DENND2C: variants seen among roughly 807,000 people sequenced by gnomAD.
DENND2C encodes DENN domain containing 2C.
Under a neutral mutation model 112.4 loss-of-function variants are expected in DENND2C, and 72 were observed. That is an observed-to-expected ratio of 0.64 (90% confidence interval 0.53 to 0.78). The LOEUF is 0.78. DENND2C is among the 30% of genes least tolerant of loss of function. The pLI, the probability that DENND2C is intolerant of heterozygous loss-of-function variation, is 0.00. For synonymous variants in DENND2C, 329 were observed against 381.6 expected, an observed-to-expected ratio of 0.86 and a Z score of 1.61; for missense variants, 992 against 1,113.8, an observed-to-expected ratio of 0.89 and a Z score of 1.56.
chr1:114,608,951 A>T, intron 9 of DENND2C, 78 bp from the exon 10 acceptor site: 2 of 1,476,754 alleles, frequency 1.4e-6, no homozygotes, highest in Non-Finnish European at 1.9e-6. Flanking sequence ...CATGACCCAC[A>T]TAGGATTAAT....
At chr1:114,626,508 TTC>T (rs1348362828) in intron 3 of DENND2C, among the ~76,000 whole-genome samples, 1 of 119,798 alleles carries the variant, frequency 8.3e-6, no homozygotes, top group Non-Finnish European at 1.7e-5. Flanking sequence ...AATAAATTAA[TTC>T]TTTTTTTTTT....
chr1:114,594,969 G>T (rs952374467), intron 17 of DENND2C, among the ~76,000 whole-genome samples: 1 of 152,112 alleles, frequency 6.6e-6, no homozygotes, highest in Non-Finnish European at 1.5e-5. Context: ...GGTTATATGC[G>T]GAGGGCTGCT....
chr1:114,664,705 C>A (rs1225301207), intron 1 of DENND2C, among the ~76,000 whole-genome samples: 2 of 151,450 alleles, frequency 1.3e-5, no homozygotes, highest in Admixed American at 6.6e-5. Context: ...GTCTCAAACT[C>A]CTGACTGAAG....
At chr1:114,658,411 G>A (rs1005477254) in intron 1 of DENND2C, among the ~76,000 whole-genome samples, 3 of 152,108 alleles carry the variant, frequency 2.0e-5, no homozygotes, top group African/African-American at 7.2e-5. Flanking sequence ...TGTCATACAA[G>A]TAAGGAGAAT....
intron 3 of DENND2C, among the ~76,000 whole-genome samples, chr1:114,638,255 A>G (rs1449966015): frequency 6.6e-6 from 1 of 152,054 alleles, no homozygotes; most frequent in Non-Finnish European, 1.5e-5. Flanking sequence ...ACCTTTACCC[A>G]TAACATTTAC....
rs763423714 is a variant in DENND2C at position 114,587,396 on chromosome 1, G to A, written c.2746C>T (p.Arg916Trp). 1.2e-5 allele frequency: 19 copies of A among 1,614,074 alleles called. No individual in the cohort carries two copies. In the East Asian group the frequency reaches 2.7e-4, roughly 23 times the overall value. ...AAACACAGCAACTAACCAAGACTCC[G>A]CAAAATTCTATTCATCCCACTGGGC... ...SEPSGMNRILRSLGSKMKFLQ... is the reference protein window; with the variant it reads ...SEPSGMNRILWSLGSKMKFLQ... The change falls in exon 20 of 21, where the codon CGG becomes TGG. Residue 916 changes from arginine (R) to tryptophan (W), a missense_variant. Coordinates refer to ENST00000393274, the MANE Select transcript of DENND2C (RefSeq NM_001256404.2).
intron 16 of DENND2C, among the ~76,000 whole-genome samples, chr1:114,596,684 G>A (rs980558587): frequency 5.9e-5 from 9 of 152,076 alleles, no homozygotes; most frequent in African/African-American, 1.9e-4. Flanking sequence ...GGGGTGACTG[G>A]TACACAAGGA....
At chr1:114,669,514 G>A (rs779304143) in intron 1 of DENND2C, among the ~76,000 whole-genome samples, 2 of 152,186 alleles carry the variant, frequency 1.3e-5, no homozygotes, top group Non-Finnish European at 2.9e-5. Flanking sequence ...GTGCGTATTA[G>A]ATGCTGTTAA....
intron 11 of DENND2C, among the ~76,000 whole-genome samples, chr1:114,603,791 A>G (rs1655586053): frequency 2.0e-5 from 3 of 151,906 alleles, no homozygotes; most frequent in African/African-American, 7.3e-5. Flanking sequence ...CTCCCACCTT[A>G]GCCTCAAAGT....
chr1:114,608,844 G>A lies in DENND2C; in HGVS notation c.1399C>T (p.Pro467Ser). The A allele has an allele frequency of 6.2e-7, 1 of 1,614,188 alleles. No individual in the cohort carries two copies. The highest frequency in any genetic ancestry group is 8.5e-7 in the Non-Finnish European group (1 of 1,180,026). ...NRHKRLAQLQ[P>S]SSKRNPHYQT... is the part of the protein sequence containing the mutation. Reference sequence around the variant, plus strand: ...TAGTGAGGATTCCTCTTGGAAGACGGTTGCAGTTGTGCTAAGCGTTTATGG... The same window carrying A: ...TAGTGAGGATTCCTCTTGGAAGACGATTGCAGTTGTGCTAAGCGTTTATGG... Residue 467 changes from proline (P) to serine (S), a missense_variant, in exon 10 of 21, where the codon CCG (proline) becomes TCG (serine). Pro to Ser is a moderately conservative substitution (Grantham distance 74). Transcript: ENST00000393274.
chr1:114,665,647 T>C (rs1657627504), intron 1 of DENND2C, among the ~76,000 whole-genome samples: 1 of 152,222 alleles, frequency 6.6e-6, no homozygotes, highest in South Asian at 2.1e-4. Context: ...GCATCTGTAC[T>C]TCTGGAATAA....
intron 10 of DENND2C, among the ~76,000 whole-genome samples, chr1:114,606,775 C>CT (rs1655666688): frequency 3.9e-5 from 6 of 152,310 alleles, no homozygotes; most frequent in Middle Eastern, 3.4e-3. Flanking sequence ...GTGCTGCAGT[C>CT]TGCAATCCGG....
At chr1:114,616,895 C>T (rs184432573) in intron 8 of DENND2C, among the ~76,000 whole-genome samples, 3 of 151,998 alleles carry the variant, frequency 2.0e-5, no homozygotes, top group Admixed American at 6.6e-5. Flanking sequence ...GCAAAAGAGG[C>T]TGAATTCGAC....
rs1321762573 is a variant in DENND2C, at chr1:114,600,873, C to G, written c.1903G>C (p.Ala635Pro). ...TTAACTGTGATGGTGCGTCCAGGAGCTGGGAAAGGAGCTTCCATGACACTT... is the reference window on the plus strand; with the variant it reads ...TTAACTGTGATGGTGCGTCCAGGAGGTGGGAAAGGAGCTTCCATGACACTT... ...MRSVMEAPFP[A>P]PGRTITVKSY... Residue 635 changes from alanine to proline, a missense_variant, in exon 14 of 21, where the codon GCT becomes CCT. Transcript: ENST00000393274. 3 of 1,613,962 alleles carry G rather than the reference C, an allele frequency of 1.9e-6. No individual in the cohort carries two copies. In the African/African-American group the frequency reaches 4.0e-5, roughly 22 times the overall value.
At position 114,621,993 on chromosome 1, in the gene DENND2C, T is replaced by C. The variant is rs557826956; in HGVS notation, c.1129A>G (p.Lys377Glu). ...VKNSQAYLRS[K>E]LTKDTTLPVT... ...GGCAAAGTTGTATCTTTTGTAAGCT[T>C]TGACCGCAAATAAGCCTGTGAGTTC... is the stretch of plus-strand genomic sequence containing the variant. Residue 377 changes from lysine to glutamate, a missense_variant, in exon 7 of 21, where the codon AAG becomes GAG. Coordinates refer to ENST00000393274, the MANE Select transcript of DENND2C (RefSeq NM_001256404.2). The C allele has an allele frequency of 2.9e-4, 452 of 1,550,948 alleles. 4 individuals are homozygous for C. The South Asian group carries it at 4.9e-3, about 17-fold the overall frequency.
intron 18 of DENND2C, among the ~76,000 whole-genome samples, chr1:114,589,530 CTTTT>C (rs1026841998): frequency 4.0e-5 from 6 of 151,506 alleles, no homozygotes; most frequent in African/African-American, 1.2e-4. Flanking sequence ...TATCTTTTTT[CTTTT>C]TTTTAATTAA....
At chr1:114,642,007 A>G (rs1013538296) in intron 3 of DENND2C, among the ~76,000 whole-genome samples, 2 of 152,006 alleles carry the variant, frequency 1.3e-5, no homozygotes, top group Non-Finnish European at 2.9e-5. Context: ...GGCTGGAGTG[A>G]AGTGGCACAA....
rs534714587 is a variant in DENND2C at position 114,660,774 on chromosome 1, A to T, written c.-573-6013T>A. ...TCTGAGGATCAACAATTTATTTTTT[A>T]AAATTCTGTAAATATACCCATACAG... On this transcript the variant is annotated intron_variant, in intron 1 of 20. Transcript: ENST00000393274. Among the ~76,000 whole-genome samples the T allele has an allele frequency of 2.6e-5, 4 of 152,304 alleles. No individual in the cohort carries two copies. In the East Asian group the frequency reaches 5.8e-4, roughly 22 times the overall value.
intron 3 of DENND2C, among the ~76,000 whole-genome samples, chr1:114,642,808 A>G (rs1026575278): frequency 2.0e-5 from 3 of 152,230 alleles, no homozygotes; most frequent in Non-Finnish European, 4.4e-5. Context: ...TAAAATGTTT[A>G]AGACAGTGAC....
Sources: allele counts gnomAD v4.1 joint callset (sites outside exome capture counted in the v4.1 genomes callset), GRCh38; gene constraint gnomAD v4.1.1; transcripts MANE v1.5; gene names NCBI Gene and HGNC (gene_info 2026-07-23, HGNC 2026-07-21).